MAP3K5: variants seen among roughly 807,000 people sequenced by gnomAD.
MAP3K5 encodes ASK-1.
In MAP3K5, 56 loss-of-function variants were observed where a neutral mutation model predicts 158.7. That is an observed-to-expected ratio of 0.35 (90% CI 0.28 to 0.44). MAP3K5 has a LOEUF of 0.44. MAP3K5 is among the 20% of genes least tolerant of loss of function. The pLI, the probability that MAP3K5 is intolerant of heterozygous loss-of-function variation, is 1.00. For synonymous variants in MAP3K5, 579 were observed against 601.7 expected (o/e 0.96, Z 0.55); for missense variants, 1,294 against 1,674.8 (o/e 0.77, Z 3.97).
chr6:136,639,089 C>G (rs555772344), intron 13 of MAP3K5, among the ~76,000 whole-genome samples: 1 of 152,048 alleles, frequency 6.6e-6, no homozygotes, highest in South Asian at 2.1e-4. Context: ...CCCACCAGAA[C>G]GTCCAATATA....
At chr6:136,691,158 T>C (rs1036779951) in intron 7 of MAP3K5, among the ~76,000 whole-genome samples, 1 of 152,232 alleles carries the variant, frequency 6.6e-6, no homozygotes, top group Non-Finnish European at 1.5e-5. Flanking sequence ...CTTTGATATT[T>C]ATGCTCCTTG....
rs549580488 is a variant in MAP3K5, at chr6:136,756,599, A to G, written c.448+35111T>C. On this transcript the variant is annotated intron_variant, in intron 1 of 29. Coordinates refer to ENST00000359015, the MANE Select transcript of MAP3K5 (RefSeq NM_005923.4). The stretch of plus-strand genomic sequence containing the variant: ...GTGTTGTACTCATCTCTTTATCATA[A>G]GTGTCCTAAATAATGAAAGAACAAT... 2.0e-5 allele frequency among the ~76,000 whole-genome samples: 3 copies of G among 152,266 alleles called. No individual in the cohort carries two copies. The East Asian group carries it at 5.8e-4, about 29-fold the overall frequency.
At chr6:136,647,016 C>T (rs561114207) in intron 11 of MAP3K5, among the ~76,000 whole-genome samples, 2 of 152,294 alleles carry the variant, frequency 1.3e-5, no homozygotes, top group East Asian at 3.9e-4. Flanking sequence ...TACACTTACT[C>T]CCTCTTTTTA....
intron 1 of MAP3K5, among the ~76,000 whole-genome samples, chr6:136,782,960 C>A (rs1422410901): frequency 6.6e-6 from 1 of 152,182 alleles, no homozygotes; most frequent in African/African-American, 2.4e-5. Context: ...GCACATATTT[C>A]GATTAGTGTC....
Position 136,614,176 on chromosome 6 carries a change from A to G in MAP3K5, c.2261T>C (p.Met754Thr). 6.2e-7 allele frequency: 1 copy of G among 1,613,748 alleles called. No homozygotes were observed. Among genetic ancestry groups the G allele is most frequent in the Non-Finnish European group, 8.5e-7 (1 of 1,179,790 alleles). Reference sequence around the variant, plus strand: ...TCTCTTACCTCCAGGGACCTGCTCCATGAAGATTTTAATGAAACCATTCTC... The same window carrying G: ...TCTCTTACCTCCAGGGACCTGCTCCGTGAAGATTTTAATGAAACCATTCTC... Reference protein sequence around the residue: ...FSENGFIKIFMEQVPGGSLSA... With the variant: ...FSENGFIKIFTEQVPGGSLSA... The change falls in exon 16 of 30, where the codon ATG becomes ACG. Residue 754 changes from methionine (M) to threonine (T), a missense_variant. By Grantham distance (81) the Met-to-Thr change is moderately conservative. Coordinates refer to ENST00000359015, the MANE Select transcript of MAP3K5 (RefSeq NM_005923.4).
chr6:136,678,820 G>C (rs2114580506), intron 7 of MAP3K5, among the ~76,000 whole-genome samples: 1 of 152,064 alleles, frequency 6.6e-6, no homozygotes, highest in African/African-American at 2.4e-5. Flanking sequence ...CCGCCTCCCA[G>C]GTTCAAGCAA....
chr6:136,679,994 A>G (rs1779862929), intron 7 of MAP3K5, among the ~76,000 whole-genome samples: 1 of 152,180 alleles, frequency 6.6e-6, no homozygotes, highest in Non-Finnish European at 1.5e-5. Flanking sequence ...AAATTCAGAC[A>G]TATGCTACAA....
In MAP3K5 at chr6:136,592,174, T is replaced by A; in HGVS notation, c.3224A>T (p.Gln1075Leu). The A allele has an allele frequency of 6.3e-7, 1 of 1,575,014 alleles. No individual in the cohort carries two copies. Among genetic ancestry groups the A allele is most frequent in the Non-Finnish European group, 8.6e-7 (1 of 1,161,586 alleles). The change falls in exon 23 of 30, where the codon CAG (glutamine) becomes CTG (leucine). Residue 1075 changes from glutamine (Q) to leucine (L), a missense_variant and splice_region_variant. Transcript: ENST00000359015. ...TGAAGCACCTGGGAGAGGATTTACC[T>A]GAGCTAAAGATTCCATTAGGTTTCT... ...IVRNLMESLA[Q>L]GAEEPKLKWE...
chr6:136,633,301 C>T lies in MAP3K5; in HGVS notation c.2016+4024G>A, dbSNP rs112686677. 3.2e-3 allele frequency among the ~76,000 whole-genome samples: 481 copies of T among 151,870 alleles called. 3 individuals are homozygous for T. The highest frequency in any genetic ancestry group is 1.0e-2 in the African/African-American group (413 of 41,438). On this transcript the variant is annotated intron_variant, in intron 14 of 29. Transcript: ENST00000359015. ...GTAATCCCAGCTACTCAAGAGGCTGCGGTGGGAGCACTGCTTGAACCCGGG... is the reference window on the plus strand; with the variant it reads ...GTAATCCCAGCTACTCAAGAGGCTGTGGTGGGAGCACTGCTTGAACCCGGG...
intron 18 of MAP3K5, 26 bp downstream of exon 18, chr6:136,611,256 T>A (rs1776332678): frequency 7.2e-7 from 1 of 1,386,310 alleles, no homozygotes; most frequent in Non-Finnish European, 1.0e-6. Context: ...TTACATAAGA[T>A]CTGTATCATC....
At chr6:136,700,390 C>G (rs1009086120) in intron 3 of MAP3K5, among the ~76,000 whole-genome samples, 1 of 152,074 alleles carries the variant, frequency 6.6e-6, no homozygotes, top group Non-Finnish European at 1.5e-5. Flanking sequence ...TAACTGATAA[C>G]AACCTGAGAA....
chr6:136,651,040 T>G lies in MAP3K5; in HGVS notation c.1732A>C (p.Asn578His), dbSNP rs759789564. 4 of 1,611,950 alleles carry G rather than the reference T, an allele frequency of 2.5e-6. No homozygotes were observed. The highest frequency in any genetic ancestry group is 2.5e-6 in the Non-Finnish European group (3 of 1,178,646). ...ATTGTCTTTTCCTCAACTTCATTGT[T>G]GATAGACAAATAAGAAGGTTGATAG... ...KIYQPSYLSI[N>H]NEVEEKTISI... is the part of the protein sequence containing the mutation. The change falls in exon 11 of 30, where the codon AAC becomes CAC. Residue 578 changes from asparagine (N) to histidine (H), a missense_variant. By Grantham distance (68) the Asn-to-His change is moderately conservative. Coordinates refer to ENST00000359015, the MANE Select transcript of MAP3K5 (RefSeq NM_005923.4).
chr6:136,698,568 C>A lies in MAP3K5; in HGVS notation c.727G>T (p.Glu243Ter). 6.2e-7 allele frequency: 1 copy of A among 1,613,990 alleles called. No homozygotes were observed. The highest frequency in any genetic ancestry group is 8.5e-7 in the Non-Finnish European group (1 of 1,179,962). ...GLTELMQPNFELLLGPICLPL... is the reference protein window; with the variant it reads ...GLTELMQPNF ...AAGCAGATGGGTCCAAGAAGCAGCT[C>A]GAAGTTCGGTTGCATGAGCTCTGTC... Residue 243 changes from glutamate (E) to a stop codon, truncating the protein, a stop_gained, in exon 4 of 30, where the codon GAG becomes TAG. Transcript: ENST00000359015. LOFTEE classifies it high-confidence loss of function.
chr6:136,616,316 T>C (rs1031443578), intron 15 of MAP3K5, among the ~76,000 whole-genome samples: 10 of 150,416 alleles, frequency 6.6e-5, no homozygotes, highest in Non-Finnish European at 3.0e-5. Context: ...TTTTTTTTTT[T>C]TTTTTGAGAT....
intron 3 of MAP3K5, among the ~76,000 whole-genome samples, chr6:136,700,104 G>A (rs1292275561): frequency 6.6e-6 from 1 of 151,966 alleles, no homozygotes; most frequent in Non-Finnish European, 1.5e-5. Context: ...ATGAAAGAAG[G>A]AGAAAGAGAG....
intron 18 of MAP3K5, among the ~76,000 whole-genome samples, chr6:136,608,499 T>C (rs1776197113): frequency 9.2e-5 from 14 of 152,120 alleles, no homozygotes; most frequent in Admixed American, 9.2e-4. Context: ...GTGGACGGAC[T>C]GGGTTGGAGT....
At chr6:136,729,316 G>A (rs1260600607) in intron 1 of MAP3K5, among the ~76,000 whole-genome samples, 1 of 151,564 alleles carries the variant, frequency 6.6e-6, no homozygotes, top group Non-Finnish European at 1.5e-5. Flanking sequence ...TTGTGTTTCT[G>A]GATGGATGAC....
chr6:136,640,498 G>T (rs1562570098), intron 12 of MAP3K5, among the ~76,000 whole-genome samples: 1 of 152,108 alleles, frequency 6.6e-6, no homozygotes, highest in Non-Finnish European at 1.5e-5. Flanking sequence ...CACGATTTAA[G>T]GCCCAGCTTA....
intron 8 of MAP3K5, among the ~76,000 whole-genome samples, chr6:136,660,271 G>C (rs527596425): frequency 6.6e-6 from 1 of 152,106 alleles, no homozygotes; most frequent in Non-Finnish European, 1.5e-5. Context: ...AAGGAAATAT[G>C]CCTGACACGG....
Sources: allele counts gnomAD v4.1 joint callset (sites outside exome capture counted in the v4.1 genomes callset), GRCh38; gene constraint gnomAD v4.1.1; transcripts MANE v1.5; gene names NCBI Gene and HGNC (gene_info 2026-07-23, HGNC 2026-07-21).